Variants in ETV6 observed in about 807,000 individuals in gnomAD.
ETV6 encodes the protein transcription factor ETV6.
Under a neutral mutation model 51.1 loss-of-function variants are expected in ETV6, and 16 were observed. That is an observed-to-expected ratio of 0.31 (90% CI 0.21 to 0.48). The LOEUF (loss-of-function observed/expected upper bound fraction) is 0.48. ETV6 is among the 20% of genes least tolerant of loss of function. ETV6 has a pLI of 0.99. For missense variants in ETV6, 458 were observed against 594.8 expected, an observed-to-expected ratio of 0.77 and a Z score of 2.39; for synonymous variants, 240 against 224.1, an observed-to-expected ratio of 1.07 and a Z score of -0.64.
At chr12:11,655,050 G>A (rs1863974652) in intron 1 of ETV6, among the ~76,000 whole-genome samples, 1 of 152,170 alleles carries the variant, frequency 6.6e-6, no homozygotes, top group Admixed American at 6.5e-5. Flanking sequence ...AGCTGTATTT[G>A]TGCACACCAG....
chr12:11,781,343 C>T (rs1480096578), intron 2 of ETV6, among the ~76,000 whole-genome samples: 4 of 152,146 alleles, frequency 2.6e-5, no homozygotes, highest in Non-Finnish European at 4.4e-5. Flanking sequence ...CTTTTCGTCC[C>T]GTTCTTGGAT....
chr12:11,866,898 G>C (rs1946797589), intron 4 of ETV6, among the ~76,000 whole-genome samples: 1 of 152,214 alleles, frequency 6.6e-6, no homozygotes, highest in Non-Finnish European at 1.5e-5. Flanking sequence ...CACTGTATGG[G>C]ATTTGTTTCT....
intron 4 of ETV6, among the ~76,000 whole-genome samples, chr12:11,857,361 G>GATC (rs919086038): frequency 2.0e-5 from 3 of 152,174 alleles, no homozygotes; most frequent in Non-Finnish European, 4.4e-5. Context: ...AGACGAGGAT[G>GATC]ATCATCATGC....
intron 1 of ETV6, among the ~76,000 whole-genome samples, chr12:11,707,523 C>T (rs1177952755): frequency 2.0e-5 from 3 of 152,140 alleles, no homozygotes; most frequent in Admixed American, 1.3e-4. Flanking sequence ...CATCATGGGG[C>T]GTTTTTTTCT....
At chr12:11,864,100 G>A (rs1242793059) in intron 4 of ETV6, among the ~76,000 whole-genome samples, 1 of 152,220 alleles carries the variant, frequency 6.6e-6, no homozygotes, top group African/African-American at 2.4e-5. Context: ...ATTATCCAAA[G>A]CACTATCACC....
chr12:11,761,137 C>T (rs1047531685), intron 2 of ETV6, among the ~76,000 whole-genome samples: 3 of 152,132 alleles, frequency 2.0e-5, no homozygotes, highest in African/African-American at 4.8e-5. Flanking sequence ...CCCTATTACT[C>T]TTTAAAAGTC....
chr12:11,718,055 A>G (rs979186253), intron 1 of ETV6, among the ~76,000 whole-genome samples: 9 of 152,362 alleles, frequency 5.9e-5, no homozygotes, highest in African/African-American at 1.9e-4. Context: ...CAGGTTTTAT[A>G]TAAATCAGAG....
At chr12:11,665,893 A>G (rs2541125) in intron 1 of ETV6, among the ~76,000 whole-genome samples, 116,690 of 152,186 alleles carry the variant, frequency 0.77, 48,659 homozygotes, top group Non-Finnish European at 0.91. Flanking sequence ...AGGGGAATAT[A>G]GATAGCTGGA....
intron 1 of ETV6, among the ~76,000 whole-genome samples, chr12:11,722,824 C>T (rs980907243): frequency 6.6e-6 from 1 of 152,168 alleles, no homozygotes; most frequent in Non-Finnish European, 1.5e-5. Context: ...TGGAGAAGCA[C>T]TGTAATGTAA....
chr12:11,818,135 G>A (rs539794018), intron 2 of ETV6, among the ~76,000 whole-genome samples: 1 of 152,304 alleles, frequency 6.6e-6, no homozygotes, highest in Non-Finnish European at 1.5e-5. Flanking sequence ...GGCCTTGGGG[G>A]CCAGGTGATA....
Position 11,752,576 on chromosome 12 carries a change from C to T in ETV6, c.160C>T (p.Leu54=). 1 of 1,611,626 alleles carries T rather than the reference C, an allele frequency of 6.2e-7. No individual in the cohort carries two copies. The highest frequency in any genetic ancestry group is 8.5e-7 in the Non-Finnish European group (1 of 1,179,478). Residue 54 remains leucine (L), a synonymous_variant, in exon 2 of 8, where the codon CTG becomes TTG. Transcript: ENST00000396373. The part of the protein sequence containing the change: ...EEDSIRLPAH[L]RLQPIYWSRD... ...AGACTCGATCCGCCTGCCTGCGCACCTGCGTGAGTGTTCGTGACCCGAGAG... is the reference window on the plus strand; with the variant it reads ...AGACTCGATCCGCCTGCCTGCGCACTTGCGTGAGTGTTCGTGACCCGAGAG...
At chr12:11,771,998 T>A (rs547900047) in intron 2 of ETV6, among the ~76,000 whole-genome samples, 1 of 152,334 alleles carries the variant, frequency 6.6e-6, no homozygotes, top group East Asian at 1.9e-4. Context: ...TCCAATTATA[T>A]TGAAAGCCCT....
chr12:11,668,542 A>G (rs1404579250), intron 1 of ETV6, among the ~76,000 whole-genome samples: 5 of 152,186 alleles, frequency 3.3e-5, no homozygotes, highest in Admixed American at 2.6e-4. Context: ...TATGTGGTAA[A>G]GGTGGCACCC....
chr12:11,651,137 T>A (rs1447458231), intron 1 of ETV6, among the ~76,000 whole-genome samples: 1 of 152,218 alleles, frequency 6.6e-6, no homozygotes, highest in African/African-American at 2.4e-5. Context: ...ATTGTACACT[T>A]TATTCATTTC....
intron 2 of ETV6, among the ~76,000 whole-genome samples, chr12:11,807,341 A>T (rs1034336341): frequency 4.6e-5 from 7 of 152,236 alleles, no homozygotes; most frequent in African/African-American, 1.7e-4. Flanking sequence ...TATTTAACAC[A>T]TGCAGAAATG....
intron 2 of ETV6, among the ~76,000 whole-genome samples, chr12:11,771,694 C>T (rs1335767856): frequency 2.0e-5 from 3 of 152,130 alleles, no homozygotes; most frequent in Non-Finnish European, 2.9e-5. Context: ...GAATTCTGGC[C>T]GTGAAGTTTC....
chr12:11,696,337 G>A (rs1864877944), intron 1 of ETV6, among the ~76,000 whole-genome samples: 1 of 152,168 alleles, frequency 6.6e-6, no homozygotes, highest in African/African-American at 2.4e-5. Context: ...AGAGTGGTAG[G>A]CAGATCATTG....
chr12:11,699,674 G>A (rs1404136139), intron 1 of ETV6, among the ~76,000 whole-genome samples: 2 of 152,164 alleles, frequency 1.3e-5, no homozygotes, highest in Non-Finnish European at 2.9e-5. Flanking sequence ...TGGAGCAGCT[G>A]TAGGATGGAG....
At chr12:11,748,340 T>A (rs759506246) in intron 1 of ETV6, among the ~76,000 whole-genome samples, 14 of 152,242 alleles carry the variant, frequency 9.2e-5, no homozygotes, top group Non-Finnish European at 1.8e-4. Flanking sequence ...AGTTTCTATA[T>A]CAAGGACATC....
Sources: gnomAD v4.1 joint callset for allele counts (sites outside exome capture counted in the v4.1 genomes callset) on GRCh38, gnomAD v4.1.1 for gene constraint, MANE v1.5 for transcripts, NCBI Gene and HGNC (gene_info 2026-07-23, HGNC 2026-07-21) for gene names.